Variants in SERPINI1 observed in about 807,000 individuals in gnomAD.
The protein encoded by SERPINI1 is serpin family I member 1.
Under a neutral mutation model 41.1 loss-of-function variants are expected in SERPINI1, and 19 were observed. The observed-to-expected ratio is 0.46, with a 90% CI of 0.32 to 0.68. The LOEUF (loss-of-function observed/expected upper bound fraction) is 0.68, where lower values mean the gene tolerates loss of function less well. Among genes scored for constraint, SERPINI1 ranks in the 30% least tolerant of loss-of-function variants. The probability of loss-of-function intolerance (pLI) is 0.03; values close to 1 mark genes in which losing one functional copy is unlikely to be tolerated. For synonymous variants in SERPINI1, 138 were observed against 156.6 expected, an observed-to-expected ratio of 0.88 and a Z score of 0.89; for missense variants, 460 against 479.2, an observed-to-expected ratio of 0.96 and a Z score of 0.37.
Position 167,794,811 on chromosome 3 carries a change from G to A in SERPINI1, c.868G>A (p.Val290Ile), listed in dbSNP as rs764275929. 1 of 1,612,974 alleles carries A rather than the reference G, an allele frequency of 6.2e-7. No individual in the cohort carries two copies. Among genetic ancestry groups the A allele is most frequent in the Non-Finnish European group, 8.5e-7 (1 of 1,179,706 alleles). Residue 290 changes from valine (V) to isoleucine (I), a missense_variant, in exon 5 of 9, where the codon GTA becomes ATA. Physicochemically the swap from Val to Ile is conservative, Grantham distance 29. Coordinates refer to ENST00000446050, the MANE Select transcript of SERPINI1 (RefSeq NM_001122752.2). ...CTCTGTGAAGAAGCAAAAAGTAGAA[G>A]TATACCTGCCCAGGTATGAGGTTCC... Reference protein sequence around the residue: ...ANSVKKQKVEVYLPRFTVEQE... With the variant: ...ANSVKKQKVEIYLPRFTVEQE...
chr3:167,756,897 G>A (rs1052631107), intron 1 of SERPINI1, among the ~76,000 whole-genome samples: 4 of 152,106 alleles, frequency 2.6e-5, no homozygotes, highest in East Asian at 1.9e-4. Context: ...CTGACTCTTC[G>A]TTATGTCACA....
rs564494926 is a variant in SERPINI1, at chr3:167,753,026, C to T, written c.-19+17203C>T. On this transcript the variant is annotated intron_variant, in intron 1 of 8. Transcript: ENST00000446050. The stretch of plus-strand genomic sequence containing the variant: ...CTAGGTGCTTTAATGCATGTGTGTT[C>T]GTTTAATGTAAGCTCTGTGAAGGCA... Among the ~76,000 whole-genome samples the T allele has an allele frequency of 6.6e-5, 10 of 152,230 alleles. No homozygotes were observed. In the East Asian group the frequency reaches 7.7e-4, roughly 12 times the overall value.
At chr3:167,762,349 C>G (rs541010239) in intron 1 of SERPINI1, among the ~76,000 whole-genome samples, 1 of 152,064 alleles carries the variant, frequency 6.6e-6, no homozygotes, top group South Asian at 2.1e-4. Context: ...AGGAAACAAA[C>G]GTGCTGTTTT....
intron 1 of SERPINI1, among the ~76,000 whole-genome samples, chr3:167,741,546 A>G (rs1725676936): frequency 6.6e-6 from 1 of 152,224 alleles, no homozygotes; most frequent in South Asian, 2.1e-4. Context: ...AACCAGCTCT[A>G]ACTTGAAGAG....
At chr3:167,789,642 T>C (rs534506523) in intron 2 of SERPINI1, among the ~76,000 whole-genome samples, 1 of 152,342 alleles carries the variant, frequency 6.6e-6, no homozygotes, top group South Asian at 2.1e-4. Flanking sequence ...GCAAACATTT[T>C]TCTGGAGTTT....
At position 167,756,309 on chromosome 3, in the gene SERPINI1, T is replaced by C. The variant is rs371091952; in HGVS notation, c.-19+20486T>C. On this transcript the variant is annotated intron_variant, in intron 1 of 8. Transcript: ENST00000446050. ...CCACCATCCTGACCCAACCCCCACA[T>C]TTTTTGAGACAATGTCTCACTCTGC... Among the ~76,000 whole-genome samples, 11 of 152,186 alleles carry C rather than the reference T, an allele frequency of 7.2e-5. No homozygotes were observed. The East Asian group carries it at 1.7e-3, about 24-fold the overall frequency.
chr3:167,760,966 T>C (rs1437492422), intron 1 of SERPINI1, among the ~76,000 whole-genome samples: 1 of 152,190 alleles, frequency 6.6e-6, no homozygotes, highest in Non-Finnish European at 1.5e-5. Context: ...CATCTGTATT[T>C]GAACAAGATT....
rs1374205434 is a variant in SERPINI1 at position 167,824,505 on chromosome 3, T to G, written c.1099T>G (p.Tyr367Asp). 6.2e-7 allele frequency: 1 copy of G among 1,613,688 alleles called. No homozygotes were observed. The highest frequency in any genetic ancestry group is 8.5e-7 in the Non-Finnish European group (1 of 1,179,734). ...TGCAATTAGTAGGATGGCTGTGCTG[T>G]ATCCTCAAGTTATTGTCGACCATCC... Reference protein sequence around the residue: ...MIAISRMAVLYPQVIVDHPFF... With the variant: ...MIAISRMAVLDPQVIVDHPFF... The change falls in exon 8 of 9, where the codon TAT (tyrosine) becomes GAT (aspartate). Residue 367 changes from tyrosine (Y) to aspartate (D), a missense_variant. By Grantham distance (160) the Tyr-to-Asp change is radical. Transcript: ENST00000446050.
In SERPINI1 at chr3:167,796,372, G is replaced by T. The variant is rs567238689; in HGVS notation, c.881+1548G>T. On this transcript the variant is annotated intron_variant, in intron 5 of 8. Coordinates refer to ENST00000446050, the MANE Select transcript of SERPINI1 (RefSeq NM_001122752.2). ...TTTTTATATTTTATTTTATTTTAAGGTCTGGTATATATGTGCAGAATGTGC... is the reference window on the plus strand; with the variant it reads ...TTTTTATATTTTATTTTATTTTAAGTTCTGGTATATATGTGCAGAATGTGC... Among the ~76,000 whole-genome samples the T allele has an allele frequency of 5.7e-4, 87 of 151,396 alleles. 1 individual carries two copies. Among genetic ancestry groups the T allele is most frequent in the African/African-American group, 1.7e-3 (71 of 41,254 alleles).
At chr3:167,809,100 C>T (rs1417532237) in intron 6 of SERPINI1, among the ~76,000 whole-genome samples, 1 of 152,156 alleles carries the variant, frequency 6.6e-6, no homozygotes, top group East Asian at 1.9e-4. Flanking sequence ...TAAATGTTTT[C>T]ATGGCTTATA....
At chr3:167,800,360 T>A (rs1309109653) in intron 5 of SERPINI1, among the ~76,000 whole-genome samples, 1 of 152,210 alleles carries the variant, frequency 6.6e-6, no homozygotes, top group Non-Finnish European at 1.5e-5. Flanking sequence ...TTATTGTAGT[T>A]TGTTTAGTGT....
At chr3:167,751,048 A>G (rs930103221) in intron 1 of SERPINI1, among the ~76,000 whole-genome samples, 1 of 152,208 alleles carries the variant, frequency 6.6e-6, no homozygotes, top group Non-Finnish European at 1.5e-5. Flanking sequence ...AAAAAAGAAT[A>G]GAAAATCCAC....
intron 1 of SERPINI1, among the ~76,000 whole-genome samples, chr3:167,772,964 G>GTGTATATATA (rs1227381993): frequency 1.4e-5 from 1 of 70,528 alleles, no homozygotes; most frequent in Admixed American, 1.3e-4. Context: ...ATATGTATAT[G>GTGTATATATA]TGTGTATATA....
At chr3:167,776,398 G>C (rs544816696) in intron 1 of SERPINI1, among the ~76,000 whole-genome samples, 2 of 152,310 alleles carry the variant, frequency 1.3e-5, no homozygotes, top group South Asian at 4.1e-4. Flanking sequence ...CAGCTCACTG[G>C]GTTTTGTTGG....
At chr3:167,740,463 C>A (rs907863412) in intron 1 of SERPINI1, among the ~76,000 whole-genome samples, 19 of 152,106 alleles carry the variant, frequency 1.2e-4, no homozygotes, top group African/African-American at 4.6e-4. Flanking sequence ...TTTTGAGAAT[C>A]CTTTTACATA....
chr3:167,744,524 A>G lies in SERPINI1; in HGVS notation c.-19+8701A>G, dbSNP rs143553976. Among the ~76,000 whole-genome samples, 380 of 149,684 alleles carry G rather than the reference A, an allele frequency of 2.5e-3. 3 individuals are homozygous for G. The highest frequency in any genetic ancestry group is 8.9e-3 in the African/African-American group (365 of 40,842). ...ATATTGTACTAGGACAGTAAGATTAAGAGCCAAATGACCTAAGTGTATGGA... is the reference window on the plus strand; with the variant it reads ...ATATTGTACTAGGACAGTAAGATTAGGAGCCAAATGACCTAAGTGTATGGA... On this transcript the variant is annotated intron_variant, in intron 1 of 8. Transcript: ENST00000446050.
At chr3:167,755,961 C>T (rs1022935902) in intron 1 of SERPINI1, among the ~76,000 whole-genome samples, 33 of 152,012 alleles carry the variant, frequency 2.2e-4, no homozygotes, top group Middle Eastern at 3.4e-3. Flanking sequence ...CTGGCTCCTC[C>T]GACATTTATT....
chr3:167,764,953 T>C (rs964671947), intron 1 of SERPINI1, among the ~76,000 whole-genome samples: 1 of 152,236 alleles, frequency 6.6e-6, no homozygotes, highest in Non-Finnish European at 1.5e-5. Flanking sequence ...CAGGTCACAC[T>C]GATGCAAGAG....
Position 167,825,332 on chromosome 3 carries a change from A to G in SERPINI1, c.*9A>G. The G allele has an allele frequency of 6.3e-7, 1 of 1,581,916 alleles. No homozygotes were observed. The highest frequency in any genetic ancestry group is 8.7e-7 in the Non-Finnish European group (1 of 1,150,732). On this transcript the variant is annotated 3_prime_UTR_variant, in exon 9 of 9. Transcript: ENST00000446050. ...ATTTCGAAGAACTTTAAGTTACTTT[A>G]TTTGAATAACAAGGAAAACAGTAAC...
Sources: gnomAD v4.1 joint callset for allele counts (sites outside exome capture counted in the v4.1 genomes callset) on GRCh38, gnomAD v4.1.1 for gene constraint, MANE v1.5 for transcripts, NCBI Gene and HGNC (gene_info 2026-07-23, HGNC 2026-07-21) for gene names.